EPHA6: variants seen among roughly 807,000 people sequenced by gnomAD.
EPHA6 encodes the protein EPH receptor A6, also known as ephrin type-A receptor 6.
EPHA6 carries 50 observed loss-of-function variants against 112.0 expected under a neutral mutation model. That is an observed-to-expected ratio of 0.45 (90% confidence interval 0.36 to 0.56). The LOEUF (loss-of-function observed/expected upper bound fraction) is 0.56, where lower values mean the gene tolerates loss of function less well. Ranked by LOEUF, EPHA6 falls within the 20% of genes least tolerant of loss-of-function variation. The pLI is 0.00. For synonymous variants in EPHA6, 529 were observed against 490.7 expected, an observed-to-expected ratio of 1.08 and a Z score of -1.03; for missense variants, 1,280 against 1,417.4, an observed-to-expected ratio of 0.90 and a Z score of 1.56.
At chr3:97,243,047 G>C (rs1308401663) in intron 4 of EPHA6, among the ~76,000 whole-genome samples, 7 of 151,726 alleles carry the variant, frequency 4.6e-5, no homozygotes, top group Non-Finnish European at 8.8e-5. Context: ...AAGTATATAG[G>C]ATTATTCACA....
chr3:97,373,566 C>A (rs186358636), intron 5 of EPHA6, among the ~76,000 whole-genome samples: 130 of 152,076 alleles, frequency 8.5e-4, no homozygotes, highest in African/African-American at 2.4e-3. Flanking sequence ...AAAATTGATG[C>A]AAGAATGGCT....
intron 2 of EPHA6, among the ~76,000 whole-genome samples, chr3:96,886,580 G>A (rs1174153012): frequency 2.6e-5 from 4 of 152,124 alleles, no homozygotes; most frequent in African/African-American, 9.7e-5. Context: ...TACATGCTAG[G>A]TGAGTCTCCT....
chr3:97,060,883 C>T (rs931854222), intron 3 of EPHA6, among the ~76,000 whole-genome samples: 3 of 138,532 alleles, frequency 2.2e-5, no homozygotes, highest in Non-Finnish European at 3.0e-5. Context: ...GAGATTGCGC[C>T]TCTGCATTCC....
At chr3:97,184,457 A>T (rs1224664455) in intron 3 of EPHA6, among the ~76,000 whole-genome samples, 1 of 152,204 alleles carries the variant, frequency 6.6e-6, no homozygotes, top group East Asian at 1.9e-4. Context: ...GTGAACTCCC[A>T]TTCACAATTG....
chr3:97,385,767 G>T (rs1220105999), intron 5 of EPHA6, among the ~76,000 whole-genome samples: 1 of 152,160 alleles, frequency 6.6e-6, no homozygotes, highest in Non-Finnish European at 1.5e-5. Context: ...GAATGCAAAG[G>T]GGAAGTGGGC....
At chr3:97,454,258 C>T (rs2090612111) in intron 7 of EPHA6, among the ~76,000 whole-genome samples, 1 of 151,700 alleles carries the variant, frequency 6.6e-6, no homozygotes, top group Admixed American at 6.6e-5. Flanking sequence ...TAATTCTTTA[C>T]TAAGTTGTAA....
intron 11 of EPHA6, among the ~76,000 whole-genome samples, chr3:97,577,987 G>A (rs1473363589): frequency 1.3e-5 from 2 of 152,014 alleles, no homozygotes; most frequent in Non-Finnish European, 2.9e-5. Flanking sequence ...AGAAATAATT[G>A]CCCAGATAGA....
chr3:97,255,177 T>C lies in EPHA6; in HGVS notation c.1606+10890T>C, dbSNP rs552213352. On this transcript the variant is annotated intron_variant, in intron 5 of 17. Coordinates refer to ENST00000389672, the MANE Select transcript of EPHA6 (RefSeq NM_001080448.3). ...GTGTGTGTGTGTGTGTGTGTGTGTG[T>C]GTGTTCAAAATAACCTGAAAGCCTC... is the stretch of plus-strand genomic sequence containing the variant. Among the ~76,000 whole-genome samples, 958 of 148,536 alleles carry C rather than the reference T, an allele frequency of 6.4e-3. 10 individuals carry two copies. The highest frequency in any genetic ancestry group is 0.023 in the African/African-American group (922 of 39,338).
At chr3:97,252,495 T>C (rs887789335) in intron 5 of EPHA6, among the ~76,000 whole-genome samples, 3 of 152,128 alleles carry the variant, frequency 2.0e-5, no homozygotes, top group Non-Finnish European at 2.9e-5. Context: ...CTAGATCCTT[T>C]CCATGATGTC....
Position 97,748,631 on chromosome 3 carries a change from G to A in EPHA6, c.3323G>A (p.Arg1108Gln), listed in dbSNP as rs753968593. Residue 1108 changes from arginine to glutamine, a missense_variant, in exon 18 of 18, where the codon CGA (arginine) becomes CAA (glutamine). Physicochemically the swap from Arg to Gln is conservative, Grantham distance 43. Around this residue, in one of 4 missense-constraint regions of EPHA6, gnomAD observed 145 missense variants for 153.3 expected, o/e 0.95. Transcript: ENST00000389672. ...GTCATACTTATTGGACACCAGAGAC[G>A]AATAGTCAGCAGCATACAGACTTTA... The part of the protein sequence containing the change: ...IGVILIGHQR[R>Q]IVSSIQTLRL... 2.6e-5 allele frequency: 42 copies of A among 1,612,180 alleles called. No homozygotes were observed. Among genetic ancestry groups the A allele is most frequent in the African/African-American group, 5.3e-5 (4 of 74,836 alleles).
At chr3:97,474,367 T>TAA (rs953566025) in intron 7 of EPHA6, among the ~76,000 whole-genome samples, 2 of 151,904 alleles carry the variant, frequency 1.3e-5, no homozygotes, top group African/African-American at 4.8e-5. Flanking sequence ...TAAGGAACAT[T>TAA]AAGAGACTGA....
intron 4 of EPHA6, among the ~76,000 whole-genome samples, chr3:97,227,803 C>A (rs2078404858): frequency 6.6e-6 from 1 of 152,204 alleles, no homozygotes; most frequent in African/African-American, 2.4e-5. Context: ...TTTCAGCCCT[C>A]TGATGTCAAA....
intron 14 of EPHA6, among the ~76,000 whole-genome samples, chr3:97,683,723 C>T (rs982822015): frequency 2.0e-5 from 3 of 152,120 alleles, no homozygotes; most frequent in Non-Finnish European, 4.4e-5. Flanking sequence ...ACAAGGCCCA[C>T]GTACTTCTTT....
At chr3:97,619,601 C>T (rs915330118) in intron 13 of EPHA6, among the ~76,000 whole-genome samples, 5 of 151,970 alleles carry the variant, frequency 3.3e-5, no homozygotes, top group African/African-American at 4.8e-5. Flanking sequence ...GGAATCATTA[C>T]GAGCATTCCT....
intron 7 of EPHA6, among the ~76,000 whole-genome samples, chr3:97,457,432 C>T (rs1322176574): frequency 2.0e-5 from 3 of 151,372 alleles, no homozygotes; most frequent in Non-Finnish European, 2.9e-5. Flanking sequence ...CATGGTAATC[C>T]GTTATTTTTC....
chr3:97,038,000 A>G (rs1036046871), intron 3 of EPHA6, among the ~76,000 whole-genome samples: 1 of 152,024 alleles, frequency 6.6e-6, no homozygotes, highest in Non-Finnish European at 1.5e-5. Flanking sequence ...CATTGAGAGT[A>G]CCAAACATGT....
intron 3 of EPHA6, among the ~76,000 whole-genome samples, chr3:97,206,436 A>G (rs2077714098): frequency 6.6e-6 from 1 of 151,992 alleles, no homozygotes; most frequent in African/African-American, 2.4e-5. Flanking sequence ...TTCCATCTTT[A>G]TACCATTCAC....
chr3:97,468,134 C>T (rs1453888724), intron 7 of EPHA6, among the ~76,000 whole-genome samples: 4 of 142,912 alleles, frequency 2.8e-5, no homozygotes, highest in Non-Finnish European at 4.5e-5. Context: ...TATGAAATCA[C>T]TTTCTGAAAA....
intron 5 of EPHA6, among the ~76,000 whole-genome samples, chr3:97,322,436 C>T (rs1470781086): frequency 6.6e-6 from 1 of 151,946 alleles, no homozygotes; most frequent in East Asian, 1.9e-4. Flanking sequence ...TGGCAGTACA[C>T]ACAAGGTGAC....
Sources: allele counts gnomAD v4.1 joint callset (sites outside exome capture counted in the v4.1 genomes callset), GRCh38; gene constraint gnomAD v4.1.1; regional missense constraint gnomAD v4.1.1; transcripts MANE v1.5; gene names NCBI Gene and HGNC (gene_info 2026-07-23, HGNC 2026-07-21).